HIBCH: variants seen among roughly 807,000 people sequenced by gnomAD.
The protein encoded by HIBCH is 3-hydroxyisobutyryl-CoA hydrolase, also known as 3-hydroxyisobutyryl-CoA hydrolase, mitochondrial.
In HIBCH, 50 loss-of-function variants were observed where a neutral mutation model predicts 58.2. The observed-to-expected ratio is 0.86, with a 90% CI of 0.68 to 1.09. HIBCH has a LOEUF of 1.09. HIBCH is among the 50% of genes least tolerant of loss of function. The pLI is 0.00. For synonymous variants in HIBCH, 151 were observed against 146.9 expected (o/e 1.03, Z -0.20); for missense variants, 450 against 449.7 (o/e 1.00, Z -0.01).
intron 3 of HIBCH, among the ~76,000 whole-genome samples, chr2:190,296,096 G>C (rs990120600): frequency 6.6e-6 from 1 of 152,024 alleles, no homozygotes; most frequent in East Asian, 1.9e-4. Flanking sequence ...GAAAGTTTAC[G>C]GCCTTCTCTG....
At chr2:190,228,202 C>G (rs949855325) in intron 11 of HIBCH, among the ~76,000 whole-genome samples, 14 of 151,994 alleles carry the variant, frequency 9.2e-5, no homozygotes, top group African/African-American at 3.4e-4. Flanking sequence ...ACATATATAC[C>G]ATGGAATACT....
chr2:190,242,500 A>G (rs1686481257), intron 11 of HIBCH, among the ~76,000 whole-genome samples: 1 of 152,052 alleles, frequency 6.6e-6, no homozygotes, highest in African/African-American at 2.4e-5. Flanking sequence ...GAGAAGAGGC[A>G]TTATGGTTTT....
chr2:190,294,849 A>G (rs1368180151), intron 3 of HIBCH, among the ~76,000 whole-genome samples: 1 of 152,200 alleles, frequency 6.6e-6, no homozygotes, highest in African/African-American at 2.4e-5. Flanking sequence ...GGCTATTTCA[A>G]AAATGTTGCT....
At chr2:190,196,758 T>C (rs1014174220) in intron 1 of HIBCH, among the ~76,000 whole-genome samples, 2 of 152,218 alleles carry the variant, frequency 1.3e-5, no homozygotes, top group African/African-American at 2.4e-5. Context: ...TTATTGGATA[T>C]AGCCATGCCC....
Position 190,204,959 on chromosome 2 carries a change from T to C in HIBCH, c.*158A>G. ...GTGAATTCTGATAATTTTCACGTCATGAATTATTAGTCTTTGATTTCTTTT... is the reference window on the plus strand; with the variant it reads ...GTGAATTCTGATAATTTTCACGTCACGAATTATTAGTCTTTGATTTCTTTT... On this transcript the variant is annotated 3_prime_UTR_variant, in exon 14 of 14. Transcript: ENST00000359678. 1.5e-6 allele frequency: 1 copy of C among 645,256 alleles called. No individual in the cohort carries two copies. 40.0% of individuals were successfully genotyped at this position (645,256 alleles called of 1,614,324 possible).
At chr2:190,239,998 A>G (rs1308512522) in intron 11 of HIBCH, among the ~76,000 whole-genome samples, 2 of 152,276 alleles carry the variant, frequency 1.3e-5, no homozygotes, top group East Asian at 3.9e-4. Context: ...TGGTATCAGG[A>G]TGAGGCTGGC....
intron 4 of HIBCH, among the ~76,000 whole-genome samples, chr2:190,290,984 C>A (rs1418291291): frequency 6.6e-6 from 1 of 152,054 alleles, no homozygotes; most frequent in Admixed American, 6.6e-5. Context: ...GTACTCTAGC[C>A]TGGAGAGAAG....
At chr2:190,237,030 A>G (rs1185499307) in intron 11 of HIBCH, among the ~76,000 whole-genome samples, 1 of 152,224 alleles carries the variant, frequency 6.6e-6, no homozygotes, top group East Asian at 1.9e-4. Context: ...TATAATGGGT[A>G]CATTCAGCAA....
chr2:190,238,836 A>G (rs900839361), intron 11 of HIBCH, among the ~76,000 whole-genome samples: 5 of 152,078 alleles, frequency 3.3e-5, no homozygotes, highest in Non-Finnish European at 7.4e-5. Context: ...TTTTTCTCGT[A>G]AATTTAAGTA....
intron 6 of HIBCH, among the ~76,000 whole-genome samples, chr2:190,287,040 G>GTGTGTGTGTGTA (rs1431942358): frequency 7.0e-6 from 1 of 143,768 alleles, no homozygotes; most frequent in Non-Finnish European, 1.5e-5. Context: ...GTGTGTGTGT[G>GTGTGTGTGTGTA]TGTGTGTGTG....
At chr2:190,314,639 C>A (rs961020888) in intron 1 of HIBCH, among the ~76,000 whole-genome samples, 1 of 151,682 alleles carries the variant, frequency 6.6e-6, no homozygotes, top group Admixed American at 6.6e-5. Context: ...TCACCACACC[C>A]GGCTTATTTT....
intron 1 of HIBCH, among the ~76,000 whole-genome samples, chr2:190,195,947 T>TTTC (rs1208563400): frequency 1.3e-5 from 2 of 150,070 alleles, no homozygotes; most frequent in African/African-American, 4.9e-5. Flanking sequence ...CCAGCTTTTT[T>TTTC]TTTTTTTTTT....
At position 190,279,181 on chromosome 2, in the gene HIBCH, C is replaced by G. The variant is rs1019914858; in HGVS notation, c.438+8405G>C. On this transcript the variant is annotated intron_variant, in intron 6 of 13. Coordinates refer to ENST00000359678, the MANE Select transcript of HIBCH (RefSeq NM_014362.4). The surrounding 1 kb of genome is among the most constrained non-coding windows in gnomAD (Gnocchi z 4.2). ...AGACCCATTCCCATGGTAATTAAAC[C>G]ATTCTTCCTGTGATAACCTATTAAT... Among the ~76,000 whole-genome samples, 5 of 152,174 alleles carry G rather than the reference C, an allele frequency of 3.3e-5. No individual in the cohort carries two copies. Among genetic ancestry groups the G allele is most frequent in the African/African-American group, 1.2e-4 (5 of 41,450 alleles).
intron 1 of HIBCH, 57 bp from the exon 2 acceptor site, chr2:190,310,853 G>T: frequency 2.5e-6 from 3 of 1,198,468 alleles, no homozygotes; most frequent in South Asian, 2.4e-5. Context: ...TGTCTCAGTT[G>T]ACAAATAGTA....
chr2:190,198,236 T>C (rs1690068257), intron 1 of HIBCH, among the ~76,000 whole-genome samples: 1 of 152,188 alleles, frequency 6.6e-6, no homozygotes, highest in East Asian at 1.9e-4. Context: ...CTGGGTAGAA[T>C]TTATAGAATA....
At chr2:190,292,895 A>G (rs1687993484) in intron 4 of HIBCH, among the ~76,000 whole-genome samples, 1 of 152,222 alleles carries the variant, frequency 6.6e-6, no homozygotes, top group Non-Finnish European at 1.5e-5. Flanking sequence ...TTAAAATTAA[A>G]TGTCCTTCAC....
At chr2:190,307,104 G>A (rs1688434028) in intron 2 of HIBCH, among the ~76,000 whole-genome samples, 1 of 152,112 alleles carries the variant, frequency 6.6e-6, no homozygotes, top group Admixed American at 6.6e-5. Context: ...ATATTCTTGG[G>A]AACTAGGAAT....
rs1690499840 is a variant in HIBCH, at chr2:190,210,886, G to A, written c.1012-1973C>T. Among the ~76,000 whole-genome samples, 1 of 152,022 alleles carries A rather than the reference G, an allele frequency of 6.6e-6. No homozygotes were observed. The highest frequency in any genetic ancestry group is 6.6e-5 in the Admixed American group (1 of 15,266). ...GAACATCTCAGTGAGGCCTTCTCTGGTCATCCCATCTACAATTCATCCCCC... is the reference window on the plus strand; with the variant it reads ...GAACATCTCAGTGAGGCCTTCTCTGATCATCCCATCTACAATTCATCCCCC... On this transcript the variant is annotated intron_variant, in intron 12 of 13. Transcript: ENST00000359678. This position sits in a 1 kb window ranked among gnomAD's most constrained non-coding sequence, Gnocchi z 5.5.
At chr2:190,195,598 C>T (rs867787539) in intron 1 of HIBCH, among the ~76,000 whole-genome samples, 5 of 152,190 alleles carry the variant, frequency 3.3e-5, no homozygotes, top group African/African-American at 4.8e-5. Flanking sequence ...GCCCATTTTT[C>T]AATTAGCTTG....
Sources: gnomAD v4.1 joint callset for allele counts (sites outside exome capture counted in the v4.1 genomes callset) on GRCh38, gnomAD v4.1.1 for gene constraint, Gnocchi (gnomAD v3.1) non-coding constraint, MANE v1.5 for transcripts, NCBI Gene and HGNC (gene_info 2026-07-23, HGNC 2026-07-21) for gene names.